Variants in ZNF385D observed in about 807,000 individuals in gnomAD.
ZNF385D encodes zinc finger protein 659.
ZNF385D carries 15 observed loss-of-function variants against 35.8 expected under a neutral mutation model. The ratio of observed to expected loss-of-function variants is 0.42; its 90% CI spans 0.28 to 0.64. ZNF385D has a LOEUF of 0.64. ZNF385D is among the 30% of genes least tolerant of loss of function. The pLI is 0.23. For missense variants in ZNF385D, 474 were observed against 494.6 expected (o/e 0.96, Z 0.39); for synonymous variants, 212 against 186.8 (o/e 1.13, Z -1.10).
intron 3 of ZNF385D, among the ~76,000 whole-genome samples, chr3:22,098,554 C>T (rs1010326121): frequency 6.6e-6 from 1 of 152,000 alleles, no homozygotes; most frequent in Non-Finnish European, 1.5e-5. Flanking sequence ...GTCATTTTAA[C>T]AACAGCAAGT....
intron 3 of ZNF385D, among the ~76,000 whole-genome samples, chr3:22,002,581 G>C (rs1326089418): frequency 6.6e-6 from 1 of 152,090 alleles, no homozygotes; most frequent in African/African-American, 2.4e-5. Flanking sequence ...CATTTTATGA[G>C]GCCAGCAGTA....
intron 3 of ZNF385D, among the ~76,000 whole-genome samples, chr3:22,108,715 T>C (rs892112269): frequency 6.6e-6 from 1 of 152,000 alleles, no homozygotes; most frequent in African/African-American, 2.4e-5. Context: ...AAGATGAATA[T>C]AAAAAACATG....
intron 3 of ZNF385D, among the ~76,000 whole-genome samples, chr3:21,548,833 A>T (rs1002691634): frequency 6.6e-6 from 1 of 152,216 alleles, no homozygotes; most frequent in African/African-American, 2.4e-5. Flanking sequence ...GGAACTTAGG[A>T]GCCCTATTTC....
intron 4 of ZNF385D, among the ~76,000 whole-genome samples, chr3:21,508,723 A>G (rs1706971889): frequency 6.6e-6 from 1 of 152,196 alleles, no homozygotes; most frequent in Admixed American, 6.5e-5. Flanking sequence ...AAATTCTGTT[A>G]AACTTCCCTA....
At chr3:21,806,833 G>C (rs1216861102) in intron 3 of ZNF385D, among the ~76,000 whole-genome samples, 8 of 152,190 alleles carry the variant, frequency 5.3e-5, no homozygotes, top group Admixed American at 5.2e-4. Flanking sequence ...CTCTCAAAGA[G>C]TGAAACTTCA....
At chr3:21,603,354 A>T (rs2064375388) in intron 2 of ZNF385D, among the ~76,000 whole-genome samples, 1 of 150,812 alleles carries the variant, frequency 6.6e-6, no homozygotes, top group African/African-American at 2.5e-5. Context: ...TGGAAGTTAA[A>T]AGTGTGTCCC....
At chr3:21,950,104 T>C (rs1309242514) in intron 3 of ZNF385D, among the ~76,000 whole-genome samples, 1 of 149,126 alleles carries the variant, frequency 6.7e-6, no homozygotes, top group Non-Finnish European at 1.5e-5. Context: ...ATGGTATTTC[T>C]GGTTCTAGAT....
At chr3:21,820,754 C>A (rs2073361591) in intron 3 of ZNF385D, among the ~76,000 whole-genome samples, 1 of 150,634 alleles carries the variant, frequency 6.6e-6, no homozygotes, top group Non-Finnish European at 1.5e-5. Flanking sequence ...ATTATAGCTT[C>A]AACTTCTATT....
intron 3 of ZNF385D, among the ~76,000 whole-genome samples, chr3:21,883,837 T>TA (rs1456470305): frequency 1.3e-5 from 2 of 152,194 alleles, no homozygotes; most frequent in Admixed American, 6.6e-5. Context: ...GCAGCTAATG[T>TA]AGACTGAACT....
intron 2 of ZNF385D, among the ~76,000 whole-genome samples, chr3:22,368,058 C>G (rs1394282939): frequency 1.3e-5 from 2 of 152,164 alleles, no homozygotes; most frequent in Non-Finnish European, 1.5e-5. Context: ...CTGAAAAGAC[C>G]TGTTTTGAAA....
chr3:21,716,084 C>G (rs2068307540), intron 1 of ZNF385D, among the ~76,000 whole-genome samples: 1 of 152,120 alleles, frequency 6.6e-6, no homozygotes, highest in Non-Finnish European at 1.5e-5. Context: ...CACCCAACCC[C>G]TCAGCAGATC....
intron 3 of ZNF385D, among the ~76,000 whole-genome samples, chr3:21,904,329 G>C (rs1279483905): frequency 6.9e-6 from 1 of 144,122 alleles, no homozygotes; most frequent in Admixed American, 6.9e-5. Context: ...AAAAAGAATT[G>C]GTAAAGCTCA....
At chr3:22,230,350 G>A (rs1012440011) in intron 2 of ZNF385D, among the ~76,000 whole-genome samples, 1 of 152,060 alleles carries the variant, frequency 6.6e-6, no homozygotes, top group African/African-American at 2.4e-5. Context: ...GCCCTTTTCT[G>A]GCTCACGTTA....
At chr3:21,785,438 C>T (rs1441353943) in intron 3 of ZNF385D, among the ~76,000 whole-genome samples, 1 of 152,120 alleles carries the variant, frequency 6.6e-6, no homozygotes, top group East Asian at 1.9e-4. Flanking sequence ...AATATTTGCC[C>T]TCTTAGCAAA....
chr3:21,500,289 G>C (rs1007375548), intron 4 of ZNF385D, among the ~76,000 whole-genome samples: 14 of 152,096 alleles, frequency 9.2e-5, no homozygotes, highest in Non-Finnish European at 2.9e-5. Flanking sequence ...TTCCTAGCAA[G>C]ATCTTCATAG....
chr3:21,558,456 T>C (rs973489847), intron 3 of ZNF385D, among the ~76,000 whole-genome samples: 5 of 152,160 alleles, frequency 3.3e-5, no homozygotes, highest in African/African-American at 1.2e-4. Flanking sequence ...TCCATGTTGT[T>C]GTGCAGTTTT....
At chr3:22,106,462 C>A (rs1253275726) in intron 3 of ZNF385D, among the ~76,000 whole-genome samples, 1 of 152,232 alleles carries the variant, frequency 6.6e-6, no homozygotes, top group South Asian at 2.1e-4. Flanking sequence ...GACTGGGCAG[C>A]CTTTTAGGAC....
chr3:22,088,212 T>C (rs555206149), intron 3 of ZNF385D, among the ~76,000 whole-genome samples: 3 of 152,284 alleles, frequency 2.0e-5, no homozygotes, highest in South Asian at 2.1e-4. Flanking sequence ...CATGTTAACA[T>C]GGGCACGATG....
intron 2 of ZNF385D, among the ~76,000 whole-genome samples, chr3:22,325,479 A>T (rs1330475115): frequency 2.6e-5 from 4 of 152,194 alleles, no homozygotes. Flanking sequence ...AAATTGGGCC[A>T]TCGGACAGGC....
Sources: allele counts gnomAD v4.1 joint callset (sites outside exome capture counted in the v4.1 genomes callset), GRCh38; gene constraint gnomAD v4.1.1; transcripts MANE v1.5; gene names NCBI Gene and HGNC (gene_info 2026-07-23, HGNC 2026-07-21).